Variants in SGPP2 observed in about 807,000 individuals in gnomAD.
The protein encoded by SGPP2 is sphingosine 1-phosphate phosphohydrolase 2.
Under a neutral mutation model 33.9 loss-of-function variants are expected in SGPP2, and 30 were observed. That is an observed-to-expected ratio of 0.89 (90% confidence interval 0.66 to 1.20). SGPP2 has a LOEUF of 1.20. Ranked by LOEUF, SGPP2 falls within the 50% of genes most tolerant of loss-of-function variation. The pLI is 0.00. For synonymous variants in SGPP2, 233 were observed against 225.0 expected (o/e 1.04, Z -0.32); for missense variants, 458 against 532.1 (o/e 0.86, Z 1.37).
intron 2 of SGPP2, among the ~76,000 whole-genome samples, chr2:222,475,229 G>T (rs1541999): frequency 1.3e-5 from 2 of 151,886 alleles, no homozygotes; most frequent in African/African-American, 4.8e-5. Context: ...ACCACCACAC[G>T]CGGTTATTTT....
chr2:222,447,580 G>A lies in SGPP2; in HGVS notation c.219+22759G>A, dbSNP rs115446478. The stretch of plus-strand genomic sequence containing the variant: ...GAGTGATTGTTGCAGAACCATAGAG[G>A]GAACAGAGGTTGACTAATCAGACAC... On this transcript the variant is annotated intron_variant, in intron 1 of 4. Transcript: ENST00000321276. 8.0e-3 allele frequency among the ~76,000 whole-genome samples: 1,225 copies of A among 152,190 alleles called. 12 individuals carry two copies. Among genetic ancestry groups the A allele is most frequent in the African/African-American group, 0.027 (1,135 of 41,488 alleles).
At chr2:222,471,569 TC>T (rs1200472616) in intron 1 of SGPP2, among the ~76,000 whole-genome samples, 1 of 152,160 alleles carries the variant, frequency 6.6e-6, no homozygotes, top group African/African-American at 2.4e-5. Flanking sequence ...ACCTGGCTCT[TC>T]CAAGTATGCT....
intron 4 of SGPP2, among the ~76,000 whole-genome samples, chr2:222,556,990 TCAGA>T (rs899432414): frequency 2.6e-5 from 4 of 151,244 alleles, no homozygotes; most frequent in African/African-American, 7.3e-5. Flanking sequence ...CCCACTGCAG[TCAGA>T]CAATCTTTTT....
At position 222,476,862 on chromosome 2, in the gene SGPP2, GTA is replaced by G. The variant is rs1178086947; in HGVS notation, c.378+2143_378+2144del. Among the ~76,000 whole-genome samples, 1 of 150,882 alleles carries G rather than the reference GTA, an allele frequency of 6.6e-6. No individual in the cohort carries two copies. The highest frequency in any genetic ancestry group is 1.9e-4 in the East Asian group (1 of 5,164). On this transcript the variant is annotated intron_variant, in intron 2 of 4. Transcript: ENST00000321276. This position sits in a 1 kb window ranked among gnomAD's most constrained non-coding sequence, Gnocchi z 4.3. Reference sequence around the variant, plus strand: ...TGTGTGTATATAGGTGTGTATATGTGTATATATAGGTGTGTGTATATATGTGT... The same window carrying G: ...TGTGTGTATATAGGTGTGTATATGTGTATATAGGTGTGTGTATATATGTGT...
At chr2:222,541,086 G>A (rs1469397989) in intron 4 of SGPP2, among the ~76,000 whole-genome samples, 2 of 152,076 alleles carry the variant, frequency 1.3e-5, no homozygotes, top group African/African-American at 2.4e-5. Context: ...CAAAGTGCTG[G>A]GATTACAGGC....
At chr2:222,438,305 A>T (rs921261882) in intron 1 of SGPP2, among the ~76,000 whole-genome samples, 1 of 152,198 alleles carries the variant, frequency 6.6e-6, no homozygotes, top group Non-Finnish European at 1.5e-5. Context: ...TGGCACGCAA[A>T]TGTCTCACCA....
rs1689265474 is a variant in SGPP2, at chr2:222,550,038, G to T, written c.649-8309G>T. On this transcript the variant is annotated intron_variant, in intron 4 of 4. Coordinates refer to ENST00000321276, the MANE Select transcript of SGPP2 (RefSeq NM_152386.4). This position sits in a 1 kb window ranked among gnomAD's most constrained non-coding sequence, Gnocchi z 4.5. ...ACTACAGGCACGCGCCACCACGTCT[G>T]GTTAATTTTTTTGTATTTTTTGGTA... Among the ~76,000 whole-genome samples the T allele has an allele frequency of 3.3e-5, 5 of 151,990 alleles. No individual in the cohort carries two copies. The Middle Eastern group carries it at 0.01, about 310-fold the overall frequency.
At chr2:222,452,030 C>CTT (rs68005172) in intron 1 of SGPP2, among the ~76,000 whole-genome samples, 98 of 151,082 alleles carry the variant, frequency 6.5e-4, no homozygotes, top group East Asian at 1.6e-3. Flanking sequence ...AATAGATTTT[C>CTT]TTTTTTTTTC....
intron 1 of SGPP2, among the ~76,000 whole-genome samples, chr2:222,472,445 A>C (rs1697858965): frequency 6.6e-6 from 1 of 152,138 alleles, no homozygotes; most frequent in Non-Finnish European, 1.5e-5. Flanking sequence ...TCAGTTGGTC[A>C]CCAGAATGCA....
At chr2:222,454,938 T>C (rs1309899366) in intron 1 of SGPP2, among the ~76,000 whole-genome samples, 3 of 152,158 alleles carry the variant, frequency 2.0e-5, no homozygotes, top group Admixed American at 6.5e-5. Flanking sequence ...AAGCATTTGT[T>C]GAATGCTTAC....
chr2:222,513,664 T>G (rs1005268535), intron 2 of SGPP2, among the ~76,000 whole-genome samples: 12 of 151,620 alleles, frequency 7.9e-5, no homozygotes, highest in South Asian at 4.2e-4. Context: ...ACAAGTTCCA[T>G]TATAAGAAAA....
intron 4 of SGPP2, among the ~76,000 whole-genome samples, chr2:222,530,858 T>C (rs1260011029): frequency 6.6e-6 from 1 of 152,172 alleles, no homozygotes; most frequent in Non-Finnish European, 1.5e-5. Flanking sequence ...GGTTAATCAT[T>C]TCTAGCTTTT....
Position 222,548,164 on chromosome 2 carries a change from T to C in SGPP2, c.649-10183T>C, listed in dbSNP as rs1574890775. On this transcript the variant is annotated intron_variant, in intron 4 of 4. Transcript: ENST00000321276. ...TGTCATTTCACTAAGTCTGAGATCA[T>C]TAATCAATAGTAAACAATAAGTTGA... Among the ~76,000 whole-genome samples, 4 of 152,348 alleles carry C rather than the reference T, an allele frequency of 2.6e-5. No individual in the cohort carries two copies. In the Middle Eastern group the frequency reaches 0.014, roughly 518 times the overall value.
In SGPP2 at chr2:222,460,445, AAT is replaced by A. The variant is rs1291169251; in HGVS notation, c.220-14120_220-14119del. On this transcript the variant is annotated intron_variant, in intron 1 of 4. Coordinates refer to ENST00000321276, the MANE Select transcript of SGPP2 (RefSeq NM_152386.4). The surrounding 1 kb of genome is among the most constrained non-coding windows in gnomAD (Gnocchi z 4.3). Reference sequence around the variant, plus strand: ...GACATAAGCGGTTGAGCTTCATGGCAATATGTCTGTGACTTCTCCTTAAGATA... The same window carrying A: ...GACATAAGCGGTTGAGCTTCATGGCAATGTCTGTGACTTCTCCTTAAGATA... Among the ~76,000 whole-genome samples the A allele has an allele frequency of 6.6e-6, 1 of 152,220 alleles. No individual in the cohort carries two copies. Among genetic ancestry groups the A allele is most frequent in the African/African-American group, 2.4e-5 (1 of 41,460 alleles).
Position 222,555,588 on chromosome 2 carries a change from A to T in SGPP2, c.649-2759A>T, listed in dbSNP as rs143822930. Among the ~76,000 whole-genome samples, 32 of 152,090 alleles carry T rather than the reference A, an allele frequency of 2.1e-4. No individual in the cohort carries two copies. The East Asian group carries it at 5.2e-3, about 25-fold the overall frequency. The stretch of plus-strand genomic sequence containing the variant: ...TCAATTTTGAGAGAGAGGCTCAAAG[A>T]TGTGGATTTGAGAGGCACACTGATA... On this transcript the variant is annotated intron_variant, in intron 4 of 4. Coordinates refer to ENST00000321276, the MANE Select transcript of SGPP2 (RefSeq NM_152386.4).
intron 4 of SGPP2, among the ~76,000 whole-genome samples, chr2:222,527,702 T>C (rs1458245532): frequency 2.0e-5 from 3 of 152,196 alleles, no homozygotes; most frequent in Admixed American, 1.3e-4. Flanking sequence ...TGCTCATAAT[T>C]TTATTTCATA....
At position 222,474,709 on chromosome 2, in the gene SGPP2, T is replaced by C. The variant is rs1397553280; in HGVS notation, c.361T>C (p.Leu121=). The C allele has an allele frequency of 6.2e-7, 1 of 1,613,752 alleles. No homozygotes were observed. Among genetic ancestry groups the C allele is most frequent in the East Asian group, 2.2e-5 (1 of 44,864 alleles). ...TATTGACCCTTATTTATCCAGAAGA[T>C]TGATCATCATATGGGTTGTAAGTAT... ...WNIDPYLSRR[L]IIIWVLVMYI... The change falls in exon 2 of 5, where the codon TTG becomes CTG. Residue 121 remains leucine (L), a synonymous_variant. Coordinates refer to ENST00000321276, the MANE Select transcript of SGPP2 (RefSeq NM_152386.4).
chr2:222,487,717 A>T (rs1274760214), intron 2 of SGPP2, among the ~76,000 whole-genome samples: 1 of 152,136 alleles, frequency 6.6e-6, no homozygotes, highest in Non-Finnish European at 1.5e-5. Context: ...CTGGCAACAT[A>T]TCCATCCTCC....
At chr2:222,539,304 G>T (rs1025927423) in intron 4 of SGPP2, among the ~76,000 whole-genome samples, 2 of 152,172 alleles carry the variant, frequency 1.3e-5, no homozygotes, top group Non-Finnish European at 2.9e-5. Flanking sequence ...TAATTATAAA[G>T]GTTCTTAAAT....
Sources: gnomAD v4.1 joint callset for allele counts (sites outside exome capture counted in the v4.1 genomes callset) on GRCh38, gnomAD v4.1.1 for gene constraint, Gnocchi (gnomAD v3.1) non-coding constraint, MANE v1.5 for transcripts, NCBI Gene and HGNC (gene_info 2026-07-23, HGNC 2026-07-21) for gene names.